Variants in TNFSF4 observed in about 807,000 individuals in gnomAD.
The protein encoded by TNFSF4 is tumor necrosis factor ligand superfamily member 4.
TNFSF4 carries 4 observed loss-of-function variants against 7.3 expected under a neutral mutation model. That is an observed-to-expected ratio of 0.55 (90% CI 0.27 to 1.25). The LOEUF (loss-of-function observed/expected upper bound fraction) is 1.25, where lower values mean the gene tolerates loss of function less well. TNFSF4 is among the 50% of genes most tolerant of loss of function. The pLI is 0.12. For missense variants in TNFSF4, 181 were observed against 208.8 expected (o/e 0.87, Z 0.82); for synonymous variants, 76 against 83.7 (o/e 0.91, Z 0.50).
chr1:173,309,367 A>T, the TNFSF4 span, among the ~76,000 whole-genome samples: 62 of 152,052 alleles, frequency 4.1e-4, 1 homozygote, highest in Admixed American at 1.8e-3. Flanking sequence ...TGTACTTTTT[A>T]AAAAAGTAAG....
chr1:173,232,040 T>A, the TNFSF4 span, among the ~76,000 whole-genome samples: 2 of 152,170 alleles, frequency 1.3e-5, no homozygotes, highest in African/African-American at 4.8e-5. Context: ...TGGCATTGAA[T>A]CTATAAATTA....
At chr1:173,362,677 C>T in the TNFSF4 span, 1 of 418,152 alleles carries the variant, frequency 2.4e-6, no homozygotes, top group Non-Finnish European at 4.7e-6. Context: ...AGACTTCTGA[C>T]AATTCCTCAT....
chr1:173,442,545 G>GTTTTTTTTTT, the TNFSF4 span, among the ~76,000 whole-genome samples: 5 of 93,450 alleles, frequency 5.4e-5, no homozygotes, highest in Admixed American at 1.2e-4. Context: ...TTTCGTTTTT[G>GTTTTTTTTTT]TTTTTGTTTT....
the TNFSF4 span, among the ~76,000 whole-genome samples, chr1:173,212,754 C>A: frequency 6.6e-6 from 1 of 152,022 alleles, no homozygotes; most frequent in Non-Finnish European, 1.5e-5. Context: ...CCATGATGGA[C>A]TTATTTCACA....
the TNFSF4 span, among the ~76,000 whole-genome samples, chr1:173,317,386 A>G: frequency 6.6e-6 from 1 of 152,334 alleles, no homozygotes; most frequent in East Asian, 1.9e-4. Context: ...CCTTTTGGCT[A>G]AGACCAAGTG....
the TNFSF4 span, chr1:173,418,471 G>C: frequency 6.6e-6 from 1 of 152,098 alleles, no homozygotes; most frequent in African/African-American, 2.4e-5. Flanking sequence ...CCTGCTGAGT[G>C]GCATAACAGT....
At chr1:173,336,811 A>G in the TNFSF4 span, among the ~76,000 whole-genome samples, 1 of 152,098 alleles carries the variant, frequency 6.6e-6, no homozygotes, top group Non-Finnish European at 1.5e-5. Flanking sequence ...TTAGGGATAC[A>G]GTGGTATGAA....
the TNFSF4 span, among the ~76,000 whole-genome samples, chr1:173,342,101 G>A: frequency 4.6e-5 from 7 of 152,128 alleles, no homozygotes; most frequent in Non-Finnish European, 1.0e-4. Flanking sequence ...TACTGCAAGG[G>A]GGGAGGGGAC....
downstream of TNFSF4, among the ~76,000 whole-genome samples, chr1:173,179,454 C>T (rs768739342): frequency 6.6e-6 from 1 of 152,166 alleles, no homozygotes; most frequent in Non-Finnish European, 1.5e-5. Context: ...GCTTGGCTAA[C>T]TTGTGTTAGT....
chr1:173,291,856 G>A, the TNFSF4 span, among the ~76,000 whole-genome samples: 1 of 151,836 alleles, frequency 6.6e-6, no homozygotes, highest in Non-Finnish European at 1.5e-5. Flanking sequence ...GTCCTCAGAG[G>A]CTGTTACAAA....
At chr1:173,384,749 C>T in the TNFSF4 span, among the ~76,000 whole-genome samples, 4 of 152,196 alleles carry the variant, frequency 2.6e-5, no homozygotes, top group Non-Finnish European at 4.4e-5. Flanking sequence ...CAATAAGGTG[C>T]ATATACACTA....
chr1:173,236,594 A>G, the TNFSF4 span, among the ~76,000 whole-genome samples: 1 of 152,218 alleles, frequency 6.6e-6, no homozygotes, highest in Non-Finnish European at 1.5e-5. Context: ...TAGGTCTCCA[A>G]CAGCAGATGA....
At chr1:173,395,030 A>AGAC in the TNFSF4 span, among the ~76,000 whole-genome samples, 1 of 90,974 alleles carries the variant, frequency 1.1e-5, no homozygotes, top group Non-Finnish European at 2.3e-5. Flanking sequence ...ATAGATAGAT[A>AGAC]GATAGATGAT....
chr1:173,318,060 G>A, the TNFSF4 span, among the ~76,000 whole-genome samples: 4,774 of 152,278 alleles, frequency 0.031, 105 homozygotes, highest in South Asian at 0.092. Flanking sequence ...ACTTCAACAC[G>A]TAGTAGCTGG....
the TNFSF4 span, among the ~76,000 whole-genome samples, chr1:173,367,601 T>C: frequency 1.3e-5 from 2 of 152,168 alleles, no homozygotes; most frequent in Non-Finnish European, 2.9e-5. Flanking sequence ...TAACTTCTTT[T>C]TGCAAATTTT....
In TNFSF4 at chr1:173,186,846, A is replaced by C; in HGVS notation, c.222T>G (p.Gly74=). Residue 74 remains glycine (G), a synonymous_variant, in exon 3 of 3, where the codon GGT becomes GGG. Coordinates refer to ENST00000281834, the MANE Select transcript of TNFSF4 (RefSeq NM_003326.5). The stretch of plus-strand genomic sequence containing the variant: ...CCTCCTTTTGGGAAGTGAGGATGAA[A>C]CCTTTCTCCTTCTTATATTCTAGGG... ...VQFTEYKKEK[G]FILTSQKEDE... The C allele has an allele frequency of 6.3e-7, 1 of 1,599,898 alleles. No homozygotes were observed. The highest frequency in any genetic ancestry group is 8.5e-7 in the Non-Finnish European group (1 of 1,172,376).
chr1:173,365,090 G>T, the TNFSF4 span, among the ~76,000 whole-genome samples: 1 of 134,274 alleles, frequency 7.4e-6, no homozygotes, highest in East Asian at 2.1e-4. Context: ...CTGTCACAGG[G>T]AAAAAAAAAA....
chr1:173,326,455 A>T, the TNFSF4 span, among the ~76,000 whole-genome samples: 2 of 152,202 alleles, frequency 1.3e-5, no homozygotes, highest in Non-Finnish European at 2.9e-5. Context: ...GAAAACTGGC[A>T]CAAGACAGGG....
At chr1:173,366,553 C>G in the TNFSF4 span, among the ~76,000 whole-genome samples, 1 of 151,988 alleles carries the variant, frequency 6.6e-6, no homozygotes, top group South Asian at 2.1e-4. Flanking sequence ...CAAATAAGAC[C>G]TAGTATCTGA....
Sources: allele counts gnomAD v4.1 joint callset (sites outside exome capture counted in the v4.1 genomes callset), GRCh38; gene constraint gnomAD v4.1.1; transcripts MANE v1.5; gene names NCBI Gene and HGNC (gene_info 2026-07-23, HGNC 2026-07-21).